RORB: variants seen among roughly 807,000 people sequenced by gnomAD.
RORB encodes the protein RAR related orphan receptor B.
RORB carries 6 observed loss-of-function variants against 59.1 expected under a neutral mutation model. The observed-to-expected ratio is 0.10, with a 90% CI of 0.06 to 0.20. The LOEUF (loss-of-function observed/expected upper bound fraction) is 0.20, where lower values mean the gene tolerates loss of function less well. Ranked by LOEUF, RORB falls within the 10% of genes least tolerant of loss-of-function variation. RORB has a pLI of 1.00. For missense variants in RORB, 320 were observed against 560.5 expected, an observed-to-expected ratio of 0.57 and a Z score of 4.33; for synonymous variants, 215 against 204.5, an observed-to-expected ratio of 1.05 and a Z score of -0.44.
Position 74,618,157 on chromosome 9 carries a change from G to C in RORB, c.8-12125G>C, listed in dbSNP as rs200361008. Among the ~76,000 whole-genome samples, 13 of 151,882 alleles carry C rather than the reference G, an allele frequency of 8.6e-5. No individual in the cohort carries two copies. The East Asian group carries it at 2.3e-3, about 27-fold the overall frequency. ...CACACACACACACGCACACACACGC[G>C]CATGCTATAAATACCTCACCTATAT... On this transcript the variant is annotated intron_variant, in intron 1 of 9. Coordinates refer to ENST00000376896, the MANE Select transcript of RORB (RefSeq NM_006914.4).
intron 1 of RORB, among the ~76,000 whole-genome samples, chr9:74,503,582 T>G (rs1158281534): frequency 6.6e-6 from 1 of 151,998 alleles, no homozygotes; most frequent in African/African-American, 2.4e-5. Flanking sequence ...TTATAAATAA[T>G]CTACACAAAA....
chr9:74,502,397 A>G (rs1825814822), intron 1 of RORB, among the ~76,000 whole-genome samples: 1 of 152,138 alleles, frequency 6.6e-6, no homozygotes, highest in Admixed American at 6.5e-5. Flanking sequence ...ATAAAAAGAT[A>G]AGTAAATTGC....
rs183070922 is a variant in RORB, at chr9:74,515,232, A to G, written c.7+17249A>G. Among the ~76,000 whole-genome samples the G allele has an allele frequency of 4.6e-5, 7 of 151,830 alleles. No individual in the cohort carries two copies. The East Asian group carries it at 9.7e-4, about 21-fold the overall frequency. Reference sequence around the variant, plus strand: ...AAATATTAACTCAGTTAATCCTCACAGCAAATTTCTGATTAAGCAGTGTTT... The same window carrying G: ...AAATATTAACTCAGTTAATCCTCACGGCAAATTTCTGATTAAGCAGTGTTT... On this transcript the variant is annotated intron_variant, in intron 1 of 9. Transcript: ENST00000376896.
chr9:74,632,802 T>C (rs778654860), intron 2 of RORB, among the ~76,000 whole-genome samples: 1 of 152,168 alleles, frequency 6.6e-6, no homozygotes, highest in African/African-American at 2.4e-5. Context: ...ACTGATGGGC[T>C]GAGGTTATGC....
chr9:74,631,724 T>C (rs772295379), intron 2 of RORB, among the ~76,000 whole-genome samples: 9 of 152,230 alleles, frequency 5.9e-5, no homozygotes, highest in Non-Finnish European at 1.3e-4. Context: ...TGATTAGTGA[T>C]AATCTATTTG....
intron 1 of RORB, among the ~76,000 whole-genome samples, chr9:74,540,034 G>A (rs1826380703): frequency 6.6e-6 from 1 of 152,048 alleles, no homozygotes; most frequent in South Asian, 2.1e-4. Flanking sequence ...GATAGAGAGG[G>A]AAGACTGAAA....
chr9:74,509,566 G>A (rs1825908268), intron 1 of RORB, among the ~76,000 whole-genome samples: 1 of 152,006 alleles, frequency 6.6e-6, no homozygotes, highest in Admixed American at 6.6e-5. Flanking sequence ...CCCTCAGCTT[G>A]TCAATTCTTT....
At chr9:74,526,036 G>A (rs778497409) in intron 1 of RORB, among the ~76,000 whole-genome samples, 1 of 151,736 alleles carries the variant, frequency 6.6e-6, no homozygotes, top group African/African-American at 2.4e-5. Flanking sequence ...CTTCACACAC[G>A]GTCTCTTTCA....
At chr9:74,566,105 T>A (rs1052453103) in intron 1 of RORB, among the ~76,000 whole-genome samples, 3 of 152,160 alleles carry the variant, frequency 2.0e-5, no homozygotes, top group South Asian at 4.1e-4. Flanking sequence ...GCTTCCTTCC[T>A]CTGCTGTCCT....
chr9:74,562,858 T>C (rs1822416126), intron 1 of RORB, among the ~76,000 whole-genome samples: 1 of 152,248 alleles, frequency 6.6e-6, no homozygotes, highest in Admixed American at 6.5e-5. Flanking sequence ...TTCCCAATTA[T>C]TAACACTTTA....
intron 1 of RORB, among the ~76,000 whole-genome samples, chr9:74,528,755 C>G (rs1826192490): frequency 6.6e-6 from 1 of 151,908 alleles, no homozygotes; most frequent in African/African-American, 2.4e-5. Context: ...ATGTCCTATG[C>G]TTTAGATTTT....
chr9:74,640,827 TG>T (rs5898372), intron 3 of RORB, among the ~76,000 whole-genome samples: 15,350 of 152,186 alleles, frequency 0.1, 1,071 homozygotes, highest in Non-Finnish European at 0.15. Context: ...CAGATAAATA[TG>T]GTAGCTCTGT....
chr9:74,607,391 G>A (rs1479729127), intron 1 of RORB, among the ~76,000 whole-genome samples: 1 of 152,160 alleles, frequency 6.6e-6, no homozygotes, highest in African/African-American at 2.4e-5. Context: ...TAACGGTGAG[G>A]CTTGCCACTT....
intron 4 of RORB, among the ~76,000 whole-genome samples, chr9:74,651,930 C>CA (rs1450585752): frequency 4.6e-5 from 7 of 152,308 alleles, no homozygotes; most frequent in Admixed American, 2.6e-4. Flanking sequence ...ATTAGACACA[C>CA]ACTGTTGCAA....
At chr9:74,579,826 T>G (rs1822694686) in intron 1 of RORB, among the ~76,000 whole-genome samples, 1 of 152,176 alleles carries the variant, frequency 6.6e-6, no homozygotes, top group Non-Finnish European at 1.5e-5. Context: ...CACAGAACAT[T>G]GCGAGAGCAA....
intron 1 of RORB, among the ~76,000 whole-genome samples, chr9:74,568,707 A>T (rs1486885090): frequency 6.6e-6 from 1 of 151,616 alleles, no homozygotes; most frequent in Non-Finnish European, 1.5e-5. Context: ...CTCAAAAAAA[A>T]AAAAAAAGAA....
rs545168981 is a variant in RORB at position 74,604,042 on chromosome 9, C to T, written c.8-26240C>T. ...CTTGTATATGGAAAGGTAGCTTAAG[C>T]ACTAAATATTATTTTTCTCACATCC... On this transcript the variant is annotated intron_variant, in intron 1 of 9. Transcript: ENST00000376896. Among the ~76,000 whole-genome samples, 5 of 75,928 alleles carry T rather than the reference C, an allele frequency of 6.6e-5. No individual in the cohort carries two copies. The South Asian group carries it at 2.3e-3, about 34-fold the overall frequency. 49.8% of individuals were successfully genotyped at this position (75,928 alleles called of 152,430 possible).
intron 1 of RORB, among the ~76,000 whole-genome samples, chr9:74,620,273 G>T (rs1823391985): frequency 6.6e-6 from 1 of 152,126 alleles, no homozygotes; most frequent in Non-Finnish European, 1.5e-5. Flanking sequence ...AGTCTTGGGA[G>T]GGTGTATGTG....
chr9:74,543,638 G>A (rs1009030440), intron 1 of RORB, among the ~76,000 whole-genome samples: 12 of 151,952 alleles, frequency 7.9e-5, no homozygotes, highest in African/African-American at 2.4e-4. Context: ...GATGGAGGAG[G>A]AACCAAAGGA....
Sources: gnomAD v4.1 joint callset for allele counts (sites outside exome capture counted in the v4.1 genomes callset) on GRCh38, gnomAD v4.1.1 for gene constraint, MANE v1.5 for transcripts, NCBI Gene and HGNC (gene_info 2026-07-23, HGNC 2026-07-21) for gene names.